DZANK1: variants seen among roughly 807,000 people sequenced by gnomAD.
DZANK1 encodes double zinc ribbon and ankyrin repeat-containing protein 1.
DZANK1 carries 91 observed loss-of-function variants against 94.5 expected under a neutral mutation model. That is an observed-to-expected ratio of 0.96 (90% confidence interval 0.81 to 1.15). The LOEUF (loss-of-function observed/expected upper bound fraction) is 1.15, where lower values mean the gene tolerates loss of function less well. Ranked by LOEUF, DZANK1 falls within the 50% of genes most tolerant of loss-of-function variation. The pLI is 0.00. For missense variants in DZANK1, 903 were observed against 916.4 expected, an observed-to-expected ratio of 0.99 and a Z score of 0.19; for synonymous variants, 312 against 325.3, an observed-to-expected ratio of 0.96 and a Z score of 0.44.
At chr20:18,432,547 G>A (rs1600989568) in intron 9 of DZANK1, 1 of 152,180 alleles carries the variant, frequency 6.6e-6, no homozygotes, top group South Asian at 2.1e-4. Flanking sequence ...GGCTCACACA[G>A]CCTTGTACAC....
At chr20:18,403,537 G>C (rs1048094000) in intron 13 of DZANK1, among the ~76,000 whole-genome samples, 3 of 152,188 alleles carry the variant, frequency 2.0e-5, no homozygotes, top group African/African-American at 7.2e-5. Context: ...CAAAACAATG[G>C]AGGGTGTGTT....
exon 12 of DZANK1, chr20:18,414,488 C>T: frequency 6.2e-7 from 1 of 1,611,500 alleles, no homozygotes; most frequent in East Asian, 2.2e-5. Flanking sequence ...TTAGGGCAAA[C>T]AGAACAGCCA....
At chr20:18,427,330 T>C (rs561294253) in intron 9 of DZANK1, among the ~76,000 whole-genome samples, 171 bp from the exon 10 acceptor site, 1 of 152,000 alleles carries the variant, frequency 6.6e-6, no homozygotes, top group South Asian at 2.1e-4. Context: ...GACAAATATC[T>C]GTAGGTTTTT....
intron 7 of DZANK1, among the ~76,000 whole-genome samples, chr20:18,445,097 G>A (rs574312842): frequency 6.2e-4 from 95 of 152,082 alleles, no homozygotes; most frequent in South Asian, 2.3e-3. Flanking sequence ...GTGAGCCACC[G>A]CGCCCGGCCA....
chr20:18,466,350 G>A (rs1418063111), intron 1 of DZANK1, among the ~76,000 whole-genome samples: 3 of 152,198 alleles, frequency 2.0e-5, no homozygotes, highest in Admixed American at 6.5e-5. Flanking sequence ...GCCTGTTGCA[G>A]TTCTAATAAT....
intron 17 of DZANK1, 41 bp from the exon 18 acceptor site, chr20:18,390,500 A>T: frequency 6.3e-7 from 1 of 1,578,576 alleles, no homozygotes; most frequent in South Asian, 1.1e-5. Flanking sequence ...CCACTTCAAA[A>T]TATTCACTCA....
chr20:18,411,138 GA>G (rs2057237096), intron 13 of DZANK1, among the ~76,000 whole-genome samples: 1 of 152,030 alleles, frequency 6.6e-6, no homozygotes, highest in South Asian at 2.1e-4. Context: ...AAGAAAGAAG[GA>G]AATCATGATG....
chr20:18,423,021 G>C (rs563827436), intron 10 of DZANK1, among the ~76,000 whole-genome samples: 1 of 151,894 alleles, frequency 6.6e-6, no homozygotes, highest in African/African-American at 2.4e-5. Context: ...AGTCATGCAC[G>C]ACATAATGAT....
At chr20:18,415,661 T>G (rs1023139823) in intron 10 of DZANK1, among the ~76,000 whole-genome samples, 1 of 152,202 alleles carries the variant, frequency 6.6e-6, no homozygotes, top group Admixed American at 6.5e-5. Context: ...CATTCCTTCA[T>G]GGAGATAACA....
chr20:18,386,640 C>T (rs79629003), intron 19 of DZANK1, among the ~76,000 whole-genome samples: 3,794 of 152,104 alleles, frequency 0.025, 70 homozygotes, highest in African/African-American at 0.049. Context: ...TATGGAAAAA[C>T]AGAAAAGAAA....
intron 13 of DZANK1, among the ~76,000 whole-genome samples, chr20:18,404,670 T>G (rs767904632): frequency 2.6e-5 from 4 of 152,196 alleles, no homozygotes; most frequent in Non-Finnish European, 5.9e-5. Context: ...CTGCCTGTGA[T>G]AGCAACTAGA....
exon 21 of DZANK1, chr20:18,384,013 A>G (rs1396202411): frequency 6.1e-6 from 1 of 162,738 alleles, no homozygotes; most frequent in Non-Finnish European, 1.4e-5. Context: ...CTAATCTCAA[A>G]TACACATTTC....
At chr20:18,414,241 TAA>T (rs1183617542) in intron 12 of DZANK1, 105 bp downstream of exon 12, 2 of 1,336,110 alleles carry the variant, frequency 1.5e-6, no homozygotes, top group Non-Finnish European at 2.0e-6. Context: ...GTGAAAGTTC[TAA>T]AAGTTTTGGG....
intron 13 of DZANK1, among the ~76,000 whole-genome samples, chr20:18,407,453 G>C (rs1477208573): frequency 2.0e-5 from 3 of 152,132 alleles, no homozygotes; most frequent in Non-Finnish European, 4.4e-5. Context: ...AGAACAATAG[G>C]CACAAACAAG....
chr20:18,414,993 CT>C (rs1489376989), intron 11 of DZANK1, among the ~76,000 whole-genome samples: 1 of 152,132 alleles, frequency 6.6e-6, no homozygotes, highest in Non-Finnish European at 1.5e-5. Flanking sequence ...CACTCTAAAA[CT>C]TTTTTGTTAT....
intron 17 of DZANK1, among the ~76,000 whole-genome samples, chr20:18,392,267 G>A (rs1220771003): frequency 6.6e-6 from 1 of 152,200 alleles, no homozygotes; most frequent in Admixed American, 6.5e-5. Context: ...GGAGAAGGTG[G>A]TGAGTACAAG....
chr20:18,465,951 T>A (rs1256490946), intron 1 of DZANK1, among the ~76,000 whole-genome samples: 1 of 152,208 alleles, frequency 6.6e-6, no homozygotes, highest in Non-Finnish European at 1.5e-5. Context: ...GAAAGGAAGT[T>A]TGCAAGAATA....
chr20:18,407,663 A>G (rs1173919853), intron 13 of DZANK1, among the ~76,000 whole-genome samples: 1 of 152,238 alleles, frequency 6.6e-6, no homozygotes, highest in Non-Finnish European at 1.5e-5. Flanking sequence ...AGGAAACTCA[A>G]AGAAATTCAA....
At chr20:18,429,396 CCT>C (rs2058190545) in intron 9 of DZANK1, among the ~76,000 whole-genome samples, 1 of 152,102 alleles carries the variant, frequency 6.6e-6, no homozygotes, top group Non-Finnish European at 1.5e-5. Flanking sequence ...CTTACAAAAC[CCT>C]GTTTTTTTAA....
Sources: gnomAD v4.1 joint callset for allele counts (sites outside exome capture counted in the v4.1 genomes callset) on GRCh38, gnomAD v4.1.1 for gene constraint, MANE v1.5 for transcripts, NCBI Gene and HGNC (gene_info 2026-07-23, HGNC 2026-07-21) for gene names.